Variants in MGST1 observed in about 807,000 individuals in gnomAD.
The protein encoded by MGST1 is microsomal glutathione S-transferase 1.
MGST1 carries 5 observed loss-of-function variants against 8.9 expected under a neutral mutation model. That is an observed-to-expected ratio of 0.56 (90% CI 0.29 to 1.19). MGST1 has a LOEUF of 1.19. MGST1 is among the 50% of genes most tolerant of loss of function. The pLI, the probability that MGST1 is intolerant of heterozygous loss-of-function variation, is 0.08. For missense variants in MGST1, 182 were observed against 187.4 expected (o/e 0.97, Z 0.17); for synonymous variants, 54 against 67.8 (o/e 0.80, Z 1.00).
intron 1 of MGST1, among the ~76,000 whole-genome samples, chr12:16,388,429 T>C (rs1007292867): frequency 5.3e-5 from 8 of 152,172 alleles, no homozygotes; most frequent in Admixed American, 5.2e-4. Context: ...ACCCAGTGGG[T>C]TGGTTTACAC....
chr12:16,403,108 T>C (rs1009837391), intron 1 of MGST1, among the ~76,000 whole-genome samples: 3 of 152,094 alleles, frequency 2.0e-5, no homozygotes. Flanking sequence ...CTTCGTAATA[T>C]GAATACCTAA....
At position 16,500,840 on chromosome 12, in the gene MGST1, T is replaced by C. The variant is rs1364060247; in HGVS notation, n.483-88688T>C. Among the ~76,000 whole-genome samples the C allele has an allele frequency of 6.6e-6, 1 of 152,162 alleles. No individual in the cohort carries two copies. The highest frequency in any genetic ancestry group is 6.5e-5 in the Admixed American group (1 of 15,274). On this transcript the variant is annotated intron_variant and non_coding_transcript_variant, in intron 4 of 4. Coordinates refer to the MGST1 transcript ENST00000538857. The surrounding 1 kb of genome is among the most constrained non-coding windows in gnomAD (Gnocchi z 4.3). The stretch of plus-strand genomic sequence containing the variant: ...GTACTTAGAGGTTGGGCGTGGTGGC[T>C]CACGCCTGTAATCCCAGCACTTTGG...
At chr12:16,563,961 A>G (rs1942496087) in intron 4 of MGST1, among the ~76,000 whole-genome samples, 1 of 152,186 alleles carries the variant, frequency 6.6e-6, no homozygotes, top group Non-Finnish European at 1.5e-5. Context: ...TGTTCATAGT[A>G]GGCCTTAAGC....
At chr12:16,352,080 G>A (rs11056900) in intron 1 of MGST1, among the ~76,000 whole-genome samples, 1 of 152,160 alleles carries the variant, frequency 6.6e-6, no homozygotes, top group Admixed American at 6.5e-5. Flanking sequence ...TGGGGTGTTC[G>A]TGTCCCAGCT....
At chr12:16,509,390 A>G (rs528837258) in intron 4 of MGST1, among the ~76,000 whole-genome samples, 4 of 152,098 alleles carry the variant, frequency 2.6e-5, no homozygotes, top group African/African-American at 9.7e-5. Flanking sequence ...GTCACCATCA[A>G]TCTTGGATTT....
intron 1 of MGST1, chr12:16,399,382 T>G (rs1210234118): frequency 6.6e-7 from 1 of 1,522,194 alleles, no homozygotes; most frequent in Non-Finnish European, 9.1e-7. Flanking sequence ...CTCTTCTGGC[T>G]CATACTTCGA....
chr12:16,466,074 A>G (rs899034350), intron 4 of MGST1, among the ~76,000 whole-genome samples: 8 of 152,228 alleles, frequency 5.3e-5, no homozygotes, highest in Non-Finnish European at 7.3e-5. Flanking sequence ...ACACTTGCAT[A>G]TGTGTAAAGA....
chr12:16,462,132 C>T (rs938174922), intron 4 of MGST1, among the ~76,000 whole-genome samples: 3 of 152,108 alleles, frequency 2.0e-5, no homozygotes, highest in Non-Finnish European at 2.9e-5. Context: ...TTAGATACTA[C>T]TTCATTATTA....
downstream of MGST1, among the ~76,000 whole-genome samples, chr12:16,380,492 A>G (rs1940439295): frequency 6.6e-6 from 1 of 152,126 alleles, no homozygotes; most frequent in South Asian, 2.1e-4. Flanking sequence ...GTTTGATTGC[A>G]CTGGGGTCTG....
rs1489092434 is a variant in MGST1, at chr12:16,572,213, TGTACTTTTAC to T, written n.483-17311_483-17302del. Among the ~76,000 whole-genome samples the T allele has an allele frequency of 2.6e-5, 4 of 151,936 alleles. No individual in the cohort carries two copies. The East Asian group carries it at 7.7e-4, about 29-fold the overall frequency. ...TATTAAGAAGGAGAAATACTAAAGT[TGTACTTTTAC>T]GTAGTAAAGCTCTACAGAAGGAATT... On this transcript the variant is annotated intron_variant and non_coding_transcript_variant, in intron 4 of 4. Coordinates refer to the MGST1 transcript ENST00000538857.
intron 4 of MGST1, chr12:16,550,987 CA>C (rs746652509): frequency 2.9e-5 from 12 of 412,552 alleles, no homozygotes; most frequent in African/African-American, 2.4e-4. Context: ...GAATAGCAAG[CA>C]AAAAAATCCA....
intron 4 of MGST1, among the ~76,000 whole-genome samples, chr12:16,543,759 A>G (rs888801465): frequency 2.6e-5 from 4 of 152,138 alleles, no homozygotes; most frequent in Admixed American, 2.6e-4. Flanking sequence ...TTGCTAACCA[A>G]GATGTTCACA....
rs1328094365 is a variant in MGST1 at position 16,503,528 on chromosome 12, T to C, written n.483-86000T>C. 1.3e-5 allele frequency among the ~76,000 whole-genome samples: 2 copies of C among 152,160 alleles called. No homozygotes were observed. The highest frequency in any genetic ancestry group is 2.9e-5 in the Non-Finnish European group (2 of 68,038). On this transcript the variant is annotated intron_variant and non_coding_transcript_variant, in intron 4 of 4. Transcript: ENST00000538857. The surrounding 1 kb of genome is among the most constrained non-coding windows in gnomAD (Gnocchi z 4.8). ...GGATGAAGGATAAAGGACATGAACA[T>C]TTTCTGTTCACCACTCTATCTCTTC... is the stretch of plus-strand genomic sequence containing the variant.
At chr12:16,515,277 A>G (rs1941604716) in intron 4 of MGST1, among the ~76,000 whole-genome samples, 1 of 152,204 alleles carries the variant, frequency 6.6e-6, no homozygotes. Context: ...TTCCTTAGGC[A>G]CAAAGAATTT....
intron 4 of MGST1, among the ~76,000 whole-genome samples, chr12:16,493,574 A>G (rs1941452972): frequency 2.0e-5 from 3 of 152,178 alleles, no homozygotes; most frequent in African/African-American, 7.2e-5. Context: ...GCAGTGACAA[A>G]TAAGAACTTT....
At chr12:16,430,771 A>C (rs11056939) in intron 1 of MGST1, among the ~76,000 whole-genome samples, 3,823 of 152,276 alleles carry the variant, frequency 0.025, 75 homozygotes, top group Non-Finnish European at 0.04. Context: ...GGATTTTCAG[A>C]ATAGTAAATG....
chr12:16,480,008 TC>T (rs1941353973), intron 4 of MGST1, among the ~76,000 whole-genome samples: 1 of 152,158 alleles, frequency 6.6e-6, no homozygotes, highest in Non-Finnish European at 1.5e-5. Flanking sequence ...CCATAACACT[TC>T]TAGAAGGAAA....
At position 16,510,324 on chromosome 12, in the gene MGST1, A is replaced by C. The variant is rs560590713; in HGVS notation, n.483-79204A>C. ...CGAAGAAGGGAAGGGAAGAAAGAAG[A>C]GATGAAAGGAGAGAAAAAGAAAGGA... On this transcript the variant is annotated intron_variant and non_coding_transcript_variant, in intron 4 of 4. Coordinates refer to the MGST1 transcript ENST00000538857. Among the ~76,000 whole-genome samples, 3 of 152,264 alleles carry C rather than the reference A, an allele frequency of 2.0e-5. No individual in the cohort carries two copies. The East Asian group carries it at 5.8e-4, about 29-fold the overall frequency.
chr12:16,485,211 C>G (rs977414293), intron 4 of MGST1, among the ~76,000 whole-genome samples: 2 of 152,194 alleles, frequency 1.3e-5, no homozygotes, highest in African/African-American at 4.8e-5. Context: ...GCTTCTTAGT[C>G]TTTTGCAGGT....
Sources: allele counts gnomAD v4.1 joint callset (sites outside exome capture counted in the v4.1 genomes callset), GRCh38; gene constraint gnomAD v4.1.1; non-coding constraint Gnocchi (gnomAD v3.1); transcripts MANE v1.5; gene names NCBI Gene and HGNC (gene_info 2026-07-23, HGNC 2026-07-21).